Variants in KLHL29 observed in about 807,000 individuals in gnomAD.
KLHL29 encodes the protein kelch like family member 29.
In KLHL29, 21 loss-of-function variants were observed where a neutral mutation model predicts 80.4. The observed-to-expected ratio is 0.26, with a 90% CI of 0.19 to 0.38. KLHL29 has a LOEUF of 0.38. KLHL29 is among the 10% of genes least tolerant of loss of function. The pLI is 1.00. For missense variants in KLHL29, 867 were observed against 1,223.9 expected (o/e 0.71, Z 4.35); for synonymous variants, 511 against 526.8 (o/e 0.97, Z 0.41).
chr2:23,396,106 A>G (rs1410902350), intron 1 of KLHL29, among the ~76,000 whole-genome samples: 4 of 152,238 alleles, frequency 2.6e-5, no homozygotes, highest in Non-Finnish European at 5.9e-5. Flanking sequence ...AGTGAGACCA[A>G]TATTGCCACC....
chr2:23,676,167 T>G (rs1337884044), intron 5 of KLHL29, among the ~76,000 whole-genome samples: 1 of 151,890 alleles, frequency 6.6e-6, no homozygotes, highest in African/African-American at 2.4e-5. Context: ...CTGTAAGAAT[T>G]TTTGGAGGAT....
At chr2:23,536,119 G>A (rs959723725) in intron 2 of KLHL29, among the ~76,000 whole-genome samples, 1 of 152,154 alleles carries the variant, frequency 6.6e-6, no homozygotes, top group African/African-American at 2.4e-5. Flanking sequence ...CAGAGCGACA[G>A]GTATCCTTCC....
chr2:23,523,050 G>T (rs1398789355), intron 2 of KLHL29, among the ~76,000 whole-genome samples: 2 of 152,012 alleles, frequency 1.3e-5, no homozygotes, highest in African/African-American at 4.8e-5. Flanking sequence ...GCATTTAGTG[G>T]GGAGGGGGGA....
chr2:23,602,896 G>A (rs1668608925), intron 3 of KLHL29, among the ~76,000 whole-genome samples: 1 of 152,194 alleles, frequency 6.6e-6, no homozygotes, highest in Non-Finnish European at 1.5e-5. Context: ...CAGGAAGCAG[G>A]AGAGGGTCTG....
Position 23,682,458 on chromosome 2 carries a change from C to CA in KLHL29, c.941-1940dup, listed in dbSNP as rs751869585. Among the ~76,000 whole-genome samples, 2 of 152,204 alleles carry CA rather than the reference C, an allele frequency of 1.3e-5. No individual in the cohort carries two copies. Among genetic ancestry groups the CA allele is most frequent in the Non-Finnish European group, 2.9e-5 (2 of 68,036 alleles). On this transcript the variant is annotated intron_variant, in intron 5 of 13. Transcript: ENST00000486442. This position sits in a 1 kb window ranked among gnomAD's most constrained non-coding sequence, Gnocchi z 4.1. ...CTTGCCTCCCATTGGCCTCCCAAGC[C>CA]ACTCCCCATCCTGCCTCTGTGTGGA...
chr2:23,606,176 G>A (rs764982698), intron 3 of KLHL29, among the ~76,000 whole-genome samples: 13 of 121,668 alleles, frequency 1.1e-4, no homozygotes, highest in Non-Finnish European at 2.2e-4. Flanking sequence ...GTGTGCGTGA[G>A]AGAGAGAGAG....
chr2:23,708,561 TGTTAA>T lies in KLHL29; in HGVS notation c.*1901_*1905del, dbSNP rs1212466911. 5 of 152,238 alleles carry T rather than the reference TGTTAA, an allele frequency of 3.3e-5. No individual in the cohort carries two copies. Among genetic ancestry groups the T allele is most frequent in the Non-Finnish European group, 7.3e-5 (5 of 68,048 alleles). The allele number at this position is 152,238 out of a possible 1,614,324, so 9.4% of individuals were successfully genotyped here. ...GGTATTGTACATAGTATATGTTTAC[TGTTAA>T]GTTCTTGTTATATTATAATAAATAT... On this transcript the variant is annotated 3_prime_UTR_variant, in exon 14 of 14. Transcript: ENST00000486442.
chr2:23,689,693 G>C (rs1012195700), intron 6 of KLHL29: 21 of 152,498 alleles, frequency 1.4e-4, no homozygotes, highest in African/African-American at 5.1e-4. Flanking sequence ...AGGGCAGAAA[G>C]GGCATGCAGA....
intron 3 of KLHL29, among the ~76,000 whole-genome samples, chr2:23,618,436 G>A (rs530370343): frequency 9.2e-5 from 14 of 152,298 alleles, no homozygotes; most frequent in African/African-American, 2.2e-4. Flanking sequence ...GGCCTCATCC[G>A]ATCAGTCAGT....
At chr2:23,509,783 C>T (rs1363571495) in intron 2 of KLHL29, among the ~76,000 whole-genome samples, 2 of 152,124 alleles carry the variant, frequency 1.3e-5, no homozygotes, top group Non-Finnish European at 2.9e-5. Flanking sequence ...GCACTCCACC[C>T]GCTGTGACCC....
At chr2:23,607,711 C>G (rs919129981) in intron 3 of KLHL29, among the ~76,000 whole-genome samples, 4 of 152,122 alleles carry the variant, frequency 2.6e-5, no homozygotes, top group African/African-American at 9.7e-5. Flanking sequence ...GGACCGTGAA[C>G]CCTATTGTGA....
chr2:23,405,020 A>G (rs2103391220), intron 1 of KLHL29, among the ~76,000 whole-genome samples: 1 of 152,364 alleles, frequency 6.6e-6, no homozygotes, highest in South Asian at 2.1e-4. Context: ...TCCTCGTGGA[A>G]CACACATCCT....
At chr2:23,386,209 G>A (rs1029380226) in intron 1 of KLHL29, among the ~76,000 whole-genome samples, 6 of 152,060 alleles carry the variant, frequency 3.9e-5, no homozygotes, top group Non-Finnish European at 5.9e-5. Context: ...AGGCGACGGA[G>A]GGCTGGCCCC....
chr2:23,415,160 C>T (rs1004591340), intron 1 of KLHL29, among the ~76,000 whole-genome samples: 8 of 152,192 alleles, frequency 5.3e-5, no homozygotes, highest in African/African-American at 1.9e-4. Context: ...TATGGGTCAC[C>T]AGTTTCTGAT....
At chr2:23,407,785 G>T (rs1666768233) in intron 1 of KLHL29, among the ~76,000 whole-genome samples, 2 of 152,066 alleles carry the variant, frequency 1.3e-5, no homozygotes, top group South Asian at 4.2e-4. Flanking sequence ...TATAAAATAT[G>T]ATCGGAATTT....
At chr2:23,575,379 G>T (rs1267037182) in intron 3 of KLHL29, among the ~76,000 whole-genome samples, 2 of 152,192 alleles carry the variant, frequency 1.3e-5, no homozygotes, top group African/African-American at 4.8e-5. Flanking sequence ...TTAACCCTGT[G>T]CAGTCAGCAA....
chr2:23,633,260 C>T (rs1669516049), intron 3 of KLHL29, among the ~76,000 whole-genome samples: 1 of 152,158 alleles, frequency 6.6e-6, no homozygotes, highest in South Asian at 2.1e-4. Flanking sequence ...CACCCACCAC[C>T]CAGCTGGGCT....
intron 1 of KLHL29, among the ~76,000 whole-genome samples, chr2:23,426,775 G>A (rs1040042293): frequency 2.0e-5 from 3 of 152,144 alleles, no homozygotes; most frequent in Admixed American, 6.5e-5. Context: ...TTTCTGCCAA[G>A]GTCTCAGTGC....
intron 1 of KLHL29, among the ~76,000 whole-genome samples, chr2:23,441,338 G>A (rs988071064): frequency 3.7e-4 from 20 of 53,842 alleles, no homozygotes; most frequent in Admixed American, 3.0e-3. Context: ...GCGGGGTGGG[G>A]GGAGGGGGGA....
Sources: allele counts gnomAD v4.1 joint callset (sites outside exome capture counted in the v4.1 genomes callset), GRCh38; gene constraint gnomAD v4.1.1; non-coding constraint Gnocchi (gnomAD v3.1); transcripts MANE v1.5; gene names NCBI Gene and HGNC (gene_info 2026-07-23, HGNC 2026-07-21).